The following ANXA4 variants were observed in gnomAD, a reference collection of about 807,000 sequenced individuals.
ANXA4 encodes 35-beta calcimedin.
Under a neutral mutation model 49.8 loss-of-function variants are expected in ANXA4, and 39 were observed. The ratio of observed to expected loss-of-function variants is 0.78; its 90% CI spans 0.61 to 1.02. The LOEUF is 1.02. Among genes scored for constraint, ANXA4 ranks in the 50% least tolerant of loss-of-function variants. The pLI, the probability that ANXA4 is intolerant of heterozygous loss-of-function variation, is 0.00. For missense variants in ANXA4, 360 were observed against 410.1 expected (o/e 0.88, Z 1.05); for synonymous variants, 134 against 152.5 (o/e 0.88, Z 0.89).
chr2:69,803,784 A>C (rs368790020), intron 3 of ANXA4, among the ~76,000 whole-genome samples: 7 of 151,464 alleles, frequency 4.6e-5, no homozygotes, highest in African/African-American at 1.7e-4. Flanking sequence ...AGATAAAAAC[A>C]AAAAAAAAGG....
At chr2:69,656,880 G>C (rs1199712081) in intron 2 of ANXA4, among the ~76,000 whole-genome samples, 1 of 152,066 alleles carries the variant, frequency 6.6e-6, no homozygotes, top group Admixed American at 6.6e-5. Context: ...CAGGAGGGCA[G>C]AGATTAGGCC....
intron 4 of ANXA4, among the ~76,000 whole-genome samples, 190 bp downstream of exon 4, chr2:69,804,817 G>T (rs1270508677): frequency 6.6e-6 from 1 of 151,982 alleles, no homozygotes; most frequent in Admixed American, 6.6e-5. Context: ...AGACCGAGGT[G>T]GGTGGATCAC....
At chr2:69,770,890 G>A in intron 1 of ANXA4, among the ~76,000 whole-genome samples, 1 of 151,324 alleles carries the variant, frequency 6.6e-6, no homozygotes, top group Non-Finnish European at 1.5e-5. Context: ...GGCATTCAAG[G>A]CCAGCCTAGG....
intron 2 of ANXA4, among the ~76,000 whole-genome samples, chr2:69,669,296 C>T (rs1677066746): frequency 6.6e-6 from 1 of 151,652 alleles, no homozygotes; most frequent in Non-Finnish European, 1.5e-5. Flanking sequence ...AAGGGTGTAA[C>T]CAAACAAATT....
At chr2:69,791,589 G>A (rs940634479) in intron 3 of ANXA4, among the ~76,000 whole-genome samples, 1 of 152,140 alleles carries the variant, frequency 6.6e-6, no homozygotes, top group Non-Finnish European at 1.5e-5. Context: ...ATAAAATAAG[G>A]ATTAGCCGTG....
At chr2:69,742,225 G>C (rs1270202464) in intron 1 of ANXA4, 50 bp downstream of exon 1, 2 of 152,180 alleles carry the variant, frequency 1.3e-5, no homozygotes, top group Non-Finnish European at 2.9e-5. Flanking sequence ...CTCAGGGAAC[G>C]GGGAGCGTGG....
intron 2 of ANXA4, among the ~76,000 whole-genome samples, chr2:69,698,193 C>T (rs562004723): frequency 3.3e-5 from 5 of 152,294 alleles, no homozygotes; most frequent in South Asian, 2.1e-4. Context: ...CTCTCTCATA[C>T]GAGCACTAAT....
intron 2 of ANXA4, among the ~76,000 whole-genome samples, chr2:69,785,123 A>G (rs2103685152): frequency 6.6e-6 from 1 of 152,326 alleles, no homozygotes; most frequent in Admixed American, 6.5e-5. Context: ...TCAGACATAT[A>G]GAGGGTGATG....
chr2:69,656,329 A>ATG (rs1676472382), intron 2 of ANXA4, among the ~76,000 whole-genome samples: 1 of 100,078 alleles, frequency 1.0e-5, no homozygotes, highest in Non-Finnish European at 1.7e-5. Context: ...ATATGTATAT[A>ATG]TATGTGTATA....
chr2:69,725,612 A>G (rs906522305), intron 3 of ANXA4, among the ~76,000 whole-genome samples: 4 of 152,136 alleles, frequency 2.6e-5, no homozygotes, highest in Admixed American at 2.6e-4. Flanking sequence ...ACGCTGGTAC[A>G]TCGTCTTGTC....
chr2:69,757,262 ATATATT>A (rs1358619175), intron 1 of ANXA4, among the ~76,000 whole-genome samples: 53 of 50,240 alleles, frequency 1.1e-3, no homozygotes, highest in East Asian at 7.4e-4. Context: ...ATATATATAT[ATATATT>A]TTTTTTTTTT....
intron 3 of ANXA4, among the ~76,000 whole-genome samples, chr2:69,788,565 C>G (rs184171655): frequency 6.7e-6 from 1 of 149,342 alleles, no homozygotes; most frequent in Non-Finnish European, 1.5e-5. Flanking sequence ...AGGCTGGGCA[C>G]GGTGGCTCAC....
intron 10 of ANXA4, among the ~76,000 whole-genome samples, 181 bp from the exon 11 acceptor site, chr2:69,819,099 A>G (rs553098712): frequency 1.3e-5 from 2 of 152,342 alleles, no homozygotes; most frequent in African/African-American, 2.4e-5. Context: ...AATTGAGGGT[A>G]CTTTCTATCT....
intron 12 of ANXA4, among the ~76,000 whole-genome samples, chr2:69,821,854 A>C (rs1674257907): frequency 6.6e-6 from 1 of 152,134 alleles, no homozygotes; most frequent in African/African-American, 2.4e-5. Context: ...GAACTATATA[A>C]CTAGTTTAAG....
intron 2 of ANXA4, among the ~76,000 whole-genome samples, chr2:69,670,688 C>T (rs191427487): frequency 7.6e-4 from 116 of 151,742 alleles, no homozygotes; most frequent in African/African-American, 2.5e-3. Context: ...TGGTTATCTA[C>T]GGAAAAAATG....
At chr2:69,786,174 T>C (rs1285213806) in intron 2 of ANXA4, among the ~76,000 whole-genome samples, 1 of 152,134 alleles carries the variant, frequency 6.6e-6, no homozygotes, top group African/African-American at 2.4e-5. Flanking sequence ...CTTCCTCCAG[T>C]TTTCTCCATC....
intron 2 of ANXA4, among the ~76,000 whole-genome samples, chr2:69,679,831 C>T (rs528425462): frequency 2.0e-5 from 3 of 152,236 alleles, no homozygotes; most frequent in Admixed American, 6.5e-5. Context: ...AGTGGATTTA[C>T]TTCCGGATTC....
chr2:69,822,918 A>T (rs569669764), intron 12 of ANXA4, among the ~76,000 whole-genome samples: 51 of 151,582 alleles, frequency 3.4e-4, no homozygotes, highest in African/African-American at 6.8e-4. Context: ...ATATATATAT[A>T]TTTTTTTACC....
At chr2:69,726,490 T>G (rs1328645244) in intron 3 of ANXA4, among the ~76,000 whole-genome samples, 1 of 152,230 alleles carries the variant, frequency 6.6e-6, no homozygotes, top group African/African-American at 2.4e-5. Context: ...AAAAATGCGA[T>G]GATTTCGCCT....
Sources: allele counts gnomAD v4.1 joint callset (sites outside exome capture counted in the v4.1 genomes callset), GRCh38; gene constraint gnomAD v4.1.1; transcripts MANE v1.5; gene names NCBI Gene and HGNC (gene_info 2026-07-23, HGNC 2026-07-21).